Variants in LARGE1 observed in about 807,000 individuals in gnomAD.
LARGE1 encodes the protein LARGE xylosyl- and glucuronyltransferase 1.
In LARGE1, 43 loss-of-function variants were observed where a neutral mutation model predicts 87.6. The observed-to-expected ratio is 0.49, with a 90% CI of 0.38 to 0.63. The LOEUF (loss-of-function observed/expected upper bound fraction) is 0.63, where lower values mean the gene tolerates loss of function less well. LARGE1 is among the 30% of genes least tolerant of loss of function. The pLI is 0.00. For synonymous variants in LARGE1, 434 were observed against 394.6 expected (o/e 1.10, Z -1.18); for missense variants, 802 against 1,000.2 (o/e 0.80, Z 2.67).
At chr22:33,507,832 T>G (rs998485528) in intron 6 of LARGE1, among the ~76,000 whole-genome samples, 1 of 152,186 alleles carries the variant, frequency 6.6e-6, no homozygotes, top group Non-Finnish European at 1.5e-5. Flanking sequence ...TGCTCTACAC[T>G]GGTGTGGTAC....
downstream of LARGE1, among the ~76,000 whole-genome samples, chr22:33,269,700 A>G (rs992718428): frequency 1.3e-5 from 2 of 151,516 alleles, no homozygotes; most frequent in African/African-American, 4.8e-5. Context: ...TCCAGAAGAC[A>G]TTATCTCTTA....
At chr22:33,764,894 C>T (rs1392314429) in intron 1 of LARGE1, among the ~76,000 whole-genome samples, 2 of 152,136 alleles carry the variant, frequency 1.3e-5, no homozygotes, top group African/African-American at 4.8e-5. Flanking sequence ...TGCAACCATC[C>T]GTTTTTTTTC....
intron 11 of LARGE1, among the ~76,000 whole-genome samples, chr22:33,256,761 T>C (rs1319074902): frequency 6.6e-6 from 1 of 152,218 alleles, no homozygotes; most frequent in Admixed American, 6.5e-5. Flanking sequence ...AACTCACATA[T>C]TTCTCTTCAT....
At chr22:33,153,492 A>G in the LARGE1 span, among the ~76,000 whole-genome samples, 17 of 152,340 alleles carry the variant, frequency 1.1e-4, no homozygotes, top group African/African-American at 2.9e-4. Flanking sequence ...TAAATTATCA[A>G]TGAATTGTAT....
intron 1 of LARGE1, among the ~76,000 whole-genome samples, chr22:33,890,080 G>C (rs1394435740): frequency 6.6e-6 from 1 of 152,250 alleles, no homozygotes; most frequent in South Asian, 2.1e-4. Flanking sequence ...AGGCCTGGGA[G>C]AGAACAACGA....
In LARGE1 at chr22:33,581,097, G is replaced by C. The variant is rs1018492315; in HGVS notation, c.616-16078C>G. 1.3e-5 allele frequency among the ~76,000 whole-genome samples: 2 copies of C among 152,196 alleles called. 1 individual carries two copies. The highest frequency in any genetic ancestry group is 4.1e-4 in the South Asian group (2 of 4,826). On this transcript the variant is annotated intron_variant, in intron 5 of 14. Coordinates refer to ENST00000397394, the MANE Select transcript of LARGE1 (RefSeq NM_133642.5). Reference sequence around the variant, plus strand: ...TTCATTGGATGCTTGAAATAAGTTTGTGAATTAAGCAAGTAAGGGATTCAT... The same window carrying C: ...TTCATTGGATGCTTGAAATAAGTTTCTGAATTAAGCAAGTAAGGGATTCAT...
intron 7 of LARGE1, among the ~76,000 whole-genome samples, chr22:33,388,123 CTAT>C (rs2065393357): frequency 1.3e-5 from 2 of 152,184 alleles, no homozygotes; most frequent in Non-Finnish European, 2.9e-5. Context: ...TAAGATTTAA[CTAT>C]GTTAGTATTT....
At chr22:33,761,309 T>C in intron 2 of LARGE1, 62 bp downstream of exon 2, 1 of 1,288,778 alleles carries the variant, frequency 7.8e-7, no homozygotes, top group East Asian at 2.3e-5. Flanking sequence ...TTTCTAGGGT[T>C]CTATGACAGC....
intron 11 of LARGE1, among the ~76,000 whole-genome samples, chr22:33,312,130 T>A (rs1016384356): frequency 6.6e-6 from 1 of 152,196 alleles, no homozygotes; most frequent in African/African-American, 2.4e-5. Context: ...GGGATGAGGA[T>A]AATGATACAG....
chr22:33,099,847 C>G, the LARGE1 span, among the ~76,000 whole-genome samples: 1 of 152,204 alleles, frequency 6.6e-6, no homozygotes, highest in Admixed American at 6.5e-5. Context: ...TCCATGCTTC[C>G]TATGACGCTC....
At chr22:33,139,325 T>A in the LARGE1 span, among the ~76,000 whole-genome samples, 4 of 152,190 alleles carry the variant, frequency 2.6e-5, no homozygotes, top group Admixed American at 2.6e-4. Flanking sequence ...TCTATTCATA[T>A]CCTTTGCCCA....
At chr22:33,233,060 G>A (rs1405128024) in intron 11 of LARGE1, among the ~76,000 whole-genome samples, 1 of 152,160 alleles carries the variant, frequency 6.6e-6, no homozygotes, top group Non-Finnish European at 1.5e-5. Flanking sequence ...TGAATTATTT[G>A]AACTCATTCA....
chr22:33,857,603 C>G (rs894730125), intron 1 of LARGE1, among the ~76,000 whole-genome samples: 1 of 152,324 alleles, frequency 6.6e-6, no homozygotes, highest in South Asian at 2.1e-4. Context: ...AAATGATAAT[C>G]GAGTGCATCA....
intron 11 of LARGE1, among the ~76,000 whole-genome samples, chr22:33,205,970 T>TTTTTTTTG (rs869217786): frequency 7.5e-6 from 1 of 132,542 alleles, no homozygotes; most frequent in Non-Finnish European, 1.6e-5. Context: ...TTTTTTTTTT[T>TTTTTTTTG]GTGAGAGGGA....
chr22:33,604,690 A>C lies in LARGE1; in HGVS notation c.492-132T>G, dbSNP rs959072106. The C allele has an allele frequency of 1.8e-5, 22 of 1,239,834 alleles. No homozygotes were observed. The Middle Eastern group carries it at 1.1e-3, about 60-fold the overall frequency. The allele number at this position is 1,239,834 out of a possible 1,614,324, so 76.8% of individuals were successfully genotyped here. The stretch of plus-strand genomic sequence containing the variant: ...CGGCAATTGTGAAAGTAAATCTGGA[A>C]TGTTACGAAAACAGTGCTCACTGGT... On this transcript the variant is annotated intron_variant, in intron 4 of 14. Transcript: ENST00000397394.
chr22:33,368,947 G>T (rs2064701451), intron 9 of LARGE1, among the ~76,000 whole-genome samples: 3 of 152,184 alleles, frequency 2.0e-5, no homozygotes. Context: ...CTGTCTTGGT[G>T]TTGATGGCTG....
chr22:33,719,947 G>C (rs1034298973), intron 2 of LARGE1, among the ~76,000 whole-genome samples: 1 of 152,168 alleles, frequency 6.6e-6, no homozygotes, highest in Non-Finnish European at 1.5e-5. Flanking sequence ...AGAGGCAATA[G>C]GCTATACCAG....
At chr22:33,290,113 A>G (rs1470294043) in intron 12 of LARGE1, among the ~76,000 whole-genome samples, 1 of 152,124 alleles carries the variant, frequency 6.6e-6, no homozygotes, top group Admixed American at 6.5e-5. Flanking sequence ...GGAATTACCA[A>G]TCCTCAACCT....
At position 33,443,853 on chromosome 22, in the gene LARGE1, A is replaced by G. The variant is rs147458176; in HGVS notation, c.788-11588T>C. ...TAGGCTCTCTTCCAAGGCTGCTTTT[A>G]TAACACTGACTCCCAGGACGCATGG... On this transcript the variant is annotated intron_variant, in intron 6 of 14. Coordinates refer to ENST00000397394, the MANE Select transcript of LARGE1 (RefSeq NM_133642.5). Among the ~76,000 whole-genome samples the G allele has an allele frequency of 1.3e-4, 20 of 152,392 alleles. No homozygotes were observed. In the East Asian group the frequency reaches 3.9e-3, roughly 29 times the overall value.
Sources: gnomAD v4.1 joint callset for allele counts (sites outside exome capture counted in the v4.1 genomes callset) on GRCh38, gnomAD v4.1.1 for gene constraint, MANE v1.5 for transcripts, NCBI Gene and HGNC (gene_info 2026-07-23, HGNC 2026-07-21) for gene names.